ZDHHC17: variants seen among roughly 807,000 people sequenced by gnomAD.
ZDHHC17 encodes palmitoyltransferase ZDHHC17.
Under a neutral mutation model 90.3 loss-of-function variants are expected in ZDHHC17, and 40 were observed. That is an observed-to-expected ratio of 0.44 (90% CI 0.34 to 0.58). The LOEUF (loss-of-function observed/expected upper bound fraction) is 0.58. Among genes scored for constraint, ZDHHC17 ranks in the 20% least tolerant of loss-of-function variants. The pLI is 0.01. For missense variants in ZDHHC17, 614 were observed against 780.8 expected (o/e 0.79, Z 2.55); for synonymous variants, 235 against 252.4 (o/e 0.93, Z 0.65).
chr12:76,820,349 C>A (rs1217866202), intron 7 of ZDHHC17, among the ~76,000 whole-genome samples: 1 of 152,098 alleles, frequency 6.6e-6, no homozygotes, highest in Non-Finnish European at 1.5e-5. Context: ...GAATAAAAAA[C>A]AAAACACAAT....
chr12:76,808,222 A>G (rs914033172), intron 3 of ZDHHC17, among the ~76,000 whole-genome samples: 2 of 152,260 alleles, frequency 1.3e-5, no homozygotes, highest in African/African-American at 4.8e-5. Flanking sequence ...ACATATGTCA[A>G]GTATTTGATA....
Position 76,825,010 on chromosome 12 carries a change from TTAA to T in ZDHHC17, c.898-1894_898-1892del, listed in dbSNP as rs780629128. Among the ~76,000 whole-genome samples, 10 of 151,536 alleles carry T rather than the reference TTAA, an allele frequency of 6.6e-5. No individual in the cohort carries two copies. In the Middle Eastern group the frequency reaches 0.014, roughly 208 times the overall value. The stretch of plus-strand genomic sequence containing the variant: ...CATATTTACGGTTAAATAAATCTTC[TTAA>T]TAAGTTGGAGGGACATCTTTAAATT... On this transcript the variant is annotated intron_variant, in intron 8 of 16. Coordinates refer to ENST00000426126, the MANE Select transcript of ZDHHC17 (RefSeq NM_015336.4).
At chr12:76,825,713 T>C (rs1003279339) in intron 8 of ZDHHC17, among the ~76,000 whole-genome samples, 2 of 152,124 alleles carry the variant, frequency 1.3e-5, no homozygotes, top group African/African-American at 4.8e-5. Flanking sequence ...CAGTGGAAGC[T>C]GATAGTATGA....
intron 1 of ZDHHC17, among the ~76,000 whole-genome samples, chr12:76,793,258 TGCCTGTAATCCCA>T (rs1308933487): frequency 6.6e-6 from 1 of 152,242 alleles, no homozygotes; most frequent in Non-Finnish European, 1.5e-5. Flanking sequence ...CAGTGGCTCC[TGCCTGTAATCCCA>T]GCACTTTGGG....
At chr12:76,780,367 G>T (rs1183965210) in intron 1 of ZDHHC17, among the ~76,000 whole-genome samples, 2 of 152,208 alleles carry the variant, frequency 1.3e-5, no homozygotes, top group East Asian at 3.9e-4. Context: ...AATAATTTCT[G>T]TCTCCTCATG....
rs540776679 is a variant in ZDHHC17, at chr12:76,775,865, TATAA to T, written c.93+11540_93+11543del. Reference sequence around the variant, plus strand: ...CCTCCCTATGTTCTTTCACTGAAATTATAAATATTCATTAATCTTTATTTATATT... The same window carrying T: ...CCTCCCTATGTTCTTTCACTGAAATTATATTCATTAATCTTTATTTATATT... On this transcript the variant is annotated intron_variant, in intron 1 of 16. Transcript: ENST00000426126. 3.1e-3 allele frequency among the ~76,000 whole-genome samples: 470 copies of T among 152,280 alleles called. 4 individuals carry two copies. Among genetic ancestry groups the T allele is most frequent in the African/African-American group, 0.01 (427 of 41,568 alleles).
At chr12:76,802,876 T>C (rs1952908324) in intron 2 of ZDHHC17, among the ~76,000 whole-genome samples, 1 of 152,226 alleles carries the variant, frequency 6.6e-6, no homozygotes, top group African/African-American at 2.4e-5. Flanking sequence ...GTGGTACATA[T>C]TCAGTAGAAA....
chr12:76,822,630 C>T (rs11115594), intron 8 of ZDHHC17, 99 bp downstream of exon 8: 14,101 of 881,376 alleles, frequency 0.016, 134 homozygotes, highest in Non-Finnish European at 0.021. Flanking sequence ...TTTTGGCTCA[C>T]TGCAATCCCT....
At chr12:76,796,744 A>G (rs1407431030) in intron 1 of ZDHHC17, among the ~76,000 whole-genome samples, 1 of 152,150 alleles carries the variant, frequency 6.6e-6, no homozygotes, top group African/African-American at 2.4e-5. Flanking sequence ...AGAGTAGTGC[A>G]TGTGATGAAG....
intron 2 of ZDHHC17, among the ~76,000 whole-genome samples, chr12:76,797,941 C>CCACACACACACACACA (rs60610921): frequency 1.0e-3 from 151 of 147,586 alleles, no homozygotes; most frequent in Non-Finnish European, 1.8e-3. Context: ...TGAAACTCTG[C>CCACACACACACACACA]CACACACACA....
At chr12:76,766,661 T>C (rs778165272) in intron 1 of ZDHHC17, among the ~76,000 whole-genome samples, 2 of 152,154 alleles carry the variant, frequency 1.3e-5, no homozygotes, top group Non-Finnish European at 2.9e-5. Context: ...TTCTGGAAAT[T>C]CGGTAACTAG....
intron 16 of ZDHHC17, 30 bp downstream of exon 16, chr12:76,849,500 T>C: frequency 7.1e-7 from 1 of 1,404,014 alleles, no homozygotes; most frequent in Non-Finnish European, 9.6e-7. Flanking sequence ...TTTAATATTT[T>C]ACCTGGTCAT....
intron 1 of ZDHHC17, among the ~76,000 whole-genome samples, chr12:76,794,088 T>C (rs991823813): frequency 9.2e-5 from 14 of 152,146 alleles, no homozygotes; most frequent in South Asian, 2.1e-4. Context: ...GGTTTCACTG[T>C]GTTAGCCAGG....
chr12:76,846,119 G>C (rs1275488154), intron 13 of ZDHHC17, among the ~76,000 whole-genome samples: 1 of 151,948 alleles, frequency 6.6e-6, no homozygotes, highest in East Asian at 1.9e-4. Flanking sequence ...GAGGTAGAGA[G>C]GAATGACAGA....
intron 2 of ZDHHC17, among the ~76,000 whole-genome samples, chr12:76,798,425 A>C (rs551610224): frequency 6.6e-6 from 1 of 152,128 alleles, no homozygotes; most frequent in Non-Finnish European, 1.5e-5. Context: ...AATTGTCTGA[A>C]ATTGGACAGA....
Position 76,809,074 on chromosome 12 carries a change from C to G in ZDHHC17, c.352C>G (p.Gln118Glu). The change falls in exon 4 of 17, where the codon CAA (glutamine) becomes GAA (glutamate). Residue 118 changes from glutamine to glutamate, a missense_variant. Around this residue, in one of 5 missense-constraint regions of ZDHHC17, gnomAD observed 358 missense variants for 380.4 expected, o/e 0.94. Transcript: ENST00000426126. Reference protein sequence around the residue: ...YYISKGAIVDQLGGDLNSTPL... With the variant: ...YYISKGAIVDELGGDLNSTPL... ...TATTTCGAAAGGTGCTATTGTGGAT[C>G]AACTTGGAGGGGACCTGAATTCAAC... 6.4e-7 allele frequency: 1 copy of G among 1,564,774 alleles called. No individual in the cohort carries two copies. The highest frequency in any genetic ancestry group is 1.2e-5 in the South Asian group (1 of 81,502).
chr12:76,815,743 G>A, intron 6 of ZDHHC17, 114 bp from the exon 7 acceptor site: 1 of 1,118,180 alleles, frequency 8.9e-7, no homozygotes, highest in Non-Finnish European at 1.2e-6. Context: ...TAGGTTAGAA[G>A]TGTTCCAAAA....
intron 16 of ZDHHC17, 36 bp from the exon 17 acceptor site, chr12:76,850,811 G>T: frequency 6.2e-7 from 1 of 1,606,120 alleles, no homozygotes; most frequent in South Asian, 1.1e-5. Context: ...CATTTGTACT[G>T]ACTGACGTGT....
intron 9 of ZDHHC17, among the ~76,000 whole-genome samples, chr12:76,827,867 T>C (rs1235011426): frequency 6.6e-6 from 1 of 152,116 alleles, no homozygotes; most frequent in African/African-American, 2.4e-5. Context: ...AATGGATTAA[T>C]GTTTGTTTTT....
Sources: allele counts gnomAD v4.1 joint callset (sites outside exome capture counted in the v4.1 genomes callset), GRCh38; gene constraint gnomAD v4.1.1; regional missense constraint gnomAD v4.1.1; transcripts MANE v1.5; gene names NCBI Gene and HGNC (gene_info 2026-07-23, HGNC 2026-07-21).